Variants in RSPO1 observed in about 807,000 individuals in gnomAD.
The protein encoded by RSPO1 is R-spondin 1, also known as R-spondin-1.
In RSPO1, 18 loss-of-function variants were observed where a neutral mutation model predicts 26.0. The ratio of observed to expected loss-of-function variants is 0.69; its 90% CI spans 0.48 to 1.03. The LOEUF is 1.03. Among genes scored for constraint, RSPO1 ranks in the 50% least tolerant of loss-of-function variants. The probability of loss-of-function intolerance (pLI) is 0.00; values close to 1 mark genes in which losing one functional copy is unlikely to be tolerated. For missense variants in RSPO1, 309 were observed against 352.3 expected (o/e 0.88, Z 0.98); for synonymous variants, 133 against 137.4 (o/e 0.97, Z 0.22).
rs1644169368 is a variant in RSPO1, at chr1:37,619,626, TA to T, written c.95-2952del. On this transcript the variant is annotated intron_variant, in intron 3 of 6. Coordinates refer to ENST00000356545, the MANE Select transcript of RSPO1 (RefSeq NM_001242908.2). ...AACCACAATGGCGGCAGTGTGTTAC[TA>T]AATGTTGAGCACTTACTCTGTGGCA... Among the ~76,000 whole-genome samples the T allele has an allele frequency of 2.6e-5, 4 of 152,358 alleles. No homozygotes were observed. In the South Asian group the frequency reaches 6.2e-4, roughly 24 times the overall value.
chr1:37,611,357 G>A lies in RSPO1; in HGVS notation c.*1398C>T, dbSNP rs1397765785. 1 of 152,212 alleles carries A rather than the reference G, an allele frequency of 6.6e-6. No homozygotes were observed. Among genetic ancestry groups the A allele is most frequent in the African/African-American group, 2.4e-5 (1 of 41,442 alleles). The allele number at this position is 152,212 out of a possible 1,614,324, so 9.4% of individuals were successfully genotyped here. On this transcript the variant is annotated 3_prime_UTR_variant, in exon 7 of 7. Coordinates refer to ENST00000356545, the MANE Select transcript of RSPO1 (RefSeq NM_001242908.2). Reference sequence around the variant, plus strand: ...CATCCTCTGAGACACCTCCCTGAGAGAAAGTATTTTATTTTTATTCTGCTT... The same window carrying A: ...CATCCTCTGAGACACCTCCCTGAGAAAAAGTATTTTATTTTTATTCTGCTT...
chr1:37,620,271 G>A (rs1028566669), intron 3 of RSPO1, among the ~76,000 whole-genome samples: 3 of 152,068 alleles, frequency 2.0e-5, no homozygotes, highest in African/African-American at 4.8e-5. Context: ...CCAGCACTTC[G>A]GGAGGCTGAG....
intron 3 of RSPO1, among the ~76,000 whole-genome samples, chr1:37,626,230 C>G (rs1184985195): frequency 6.6e-6 from 1 of 152,146 alleles, no homozygotes; most frequent in African/African-American, 2.4e-5. Flanking sequence ...TCCCCGGACC[C>G]TCCCCTCAGC....
chr1:37,620,275 G>C (rs1644180510), intron 3 of RSPO1, among the ~76,000 whole-genome samples: 2 of 152,160 alleles, frequency 1.3e-5, no homozygotes, highest in Admixed American at 1.3e-4. Context: ...CACTTCGGGA[G>C]GCTGAGGCGG....
At chr1:37,630,532 G>A (rs986514489) in intron 2 of RSPO1, among the ~76,000 whole-genome samples, 11 of 152,332 alleles carry the variant, frequency 7.2e-5, no homozygotes, top group East Asian at 1.9e-4. Flanking sequence ...CAGGCCCGGC[G>A]GGCCTGGCCT....
chr1:37,620,874 T>C (rs192786984), intron 3 of RSPO1, among the ~76,000 whole-genome samples: 12 of 152,294 alleles, frequency 7.9e-5, no homozygotes, highest in African/African-American at 2.9e-4. Flanking sequence ...ACTCACTGTT[T>C]TGATTTAATT....
intron 3 of RSPO1, among the ~76,000 whole-genome samples, chr1:37,623,057 TG>T (rs1185407759): frequency 6.6e-6 from 1 of 151,078 alleles, no homozygotes; most frequent in East Asian, 2.0e-4. Context: ...AAGCTGGCCT[TG>T]GTTAGGAGGA....
chr1:37,626,460 A>T (rs1234749261), intron 3 of RSPO1, among the ~76,000 whole-genome samples: 1 of 152,112 alleles, frequency 6.6e-6, no homozygotes, highest in Non-Finnish European at 1.5e-5. Flanking sequence ...GGGGCTGTCC[A>T]TGCCCTCGGG....
At chr1:37,625,659 C>G (rs1428904284) in intron 3 of RSPO1, among the ~76,000 whole-genome samples, 1 of 151,758 alleles carries the variant, frequency 6.6e-6, no homozygotes, top group Non-Finnish European at 1.5e-5. Flanking sequence ...CTGGGCACGT[C>G]CCGCTGGTAG....
chr1:37,619,511 G>A (rs1311919091), intron 3 of RSPO1, among the ~76,000 whole-genome samples: 1 of 152,198 alleles, frequency 6.6e-6, no homozygotes, highest in Admixed American at 6.5e-5. Context: ...CCTGGTTTCA[G>A]AACAGGAGAA....
chr1:37,617,661 CAA>C (rs34856591), intron 3 of RSPO1, among the ~76,000 whole-genome samples: 8 of 36,376 alleles, frequency 2.2e-4, no homozygotes, highest in East Asian at 9.7e-4. Context: ...GACTCCATCT[CAA>C]AAAAAAAAAA....
At chr1:37,622,785 G>T (rs751919457) in intron 3 of RSPO1, among the ~76,000 whole-genome samples, 2 of 152,160 alleles carry the variant, frequency 1.3e-5, no homozygotes, top group African/African-American at 4.8e-5. Flanking sequence ...TCATTGATTA[G>T]GTGACCTTGA....
intron 2 of RSPO1, chr1:37,631,720 G>T (rs983481757): frequency 1.3e-5 from 2 of 152,232 alleles, no homozygotes; most frequent in Non-Finnish European, 2.9e-5. Flanking sequence ...AATGGTGCTG[G>T]CACACAGTGA....
Position 37,614,249 on chromosome 1 carries a change from C to T in RSPO1, c.371G>A (p.Arg124His), listed in dbSNP as rs1644075054. The change falls in exon 5 of 7, where the codon CGC (arginine) becomes CAC (histidine). Residue 124 changes from arginine to histidine, a missense_variant. Coordinates refer to ENST00000356545, the MANE Select transcript of RSPO1 (RefSeq NM_001242908.2). ...GCCCTCGGGACAAGCTGGATAGCAG[C>T]GGCCCTTGTGCAGGTACAAGCCCTC... ...CKEGLYLHKGRCYPACPEGSS... is the reference protein window; with the variant it reads ...CKEGLYLHKGHCYPACPEGSS... The T allele has an allele frequency of 1.9e-6, 3 of 1,613,620 alleles. No homozygotes were observed. Among genetic ancestry groups the T allele is most frequent in the East Asian group, 4.5e-5 (2 of 44,890 alleles).
In RSPO1 at chr1:37,612,654, G is replaced by T; in HGVS notation, c.*101C>A. The T allele has an allele frequency of 1.7e-6, 2 of 1,208,718 alleles. No homozygotes were observed. The highest frequency in any genetic ancestry group is 2.4e-6 in the Non-Finnish European group (2 of 825,648). The allele number at this position is 1,208,718 out of a possible 1,614,324, so 74.9% of individuals were successfully genotyped here. On this transcript the variant is annotated 3_prime_UTR_variant, in exon 7 of 7. Transcript: ENST00000356545. ...TGTATGCATGGATGGATTGGAGTGT[G>T]TGTGTATGCTTTGCCCCCGACGTTC...
chr1:37,630,471 G>T (rs1157904746), intron 2 of RSPO1, among the ~76,000 whole-genome samples: 11 of 152,232 alleles, frequency 7.2e-5, no homozygotes. Context: ...TCTGGGCTTG[G>T]CGGGAGAAAA....
intron 3 of RSPO1, among the ~76,000 whole-genome samples, chr1:37,621,333 T>C (rs571078041): frequency 2.6e-5 from 4 of 152,228 alleles, no homozygotes; most frequent in Admixed American, 1.3e-4. Flanking sequence ...CAGGATTCTA[T>C]TTTAGAAAGA....
At chr1:37,617,039 T>A (rs1048393372) in intron 3 of RSPO1, among the ~76,000 whole-genome samples, 2 of 152,094 alleles carry the variant, frequency 1.3e-5, no homozygotes, top group African/African-American at 4.8e-5. Flanking sequence ...AGAAGGAGGG[T>A]TTCTTAAATT....
intron 4 of RSPO1, 123 bp downstream of exon 4, chr1:37,616,361 G>T: frequency 1.2e-6 from 1 of 835,122 alleles, no homozygotes; most frequent in Non-Finnish European, 1.9e-6. Flanking sequence ...TTGAATCGGA[G>T]CCTCATCTCC....
Sources: gnomAD v4.1 joint callset for allele counts (sites outside exome capture counted in the v4.1 genomes callset) on GRCh38, gnomAD v4.1.1 for gene constraint, MANE v1.5 for transcripts, NCBI Gene and HGNC (gene_info 2026-07-23, HGNC 2026-07-21) for gene names.